The following SCN7A variants were observed in gnomAD, a reference collection of about 807,000 sequenced individuals.
SCN7A encodes the protein sodium channel protein type 7 subunit alpha.
Under a neutral mutation model 155.2 loss-of-function variants are expected in SCN7A, and 138 were observed. The ratio of observed to expected loss-of-function variants is 0.89; its 90% CI spans 0.77 to 1.02. The LOEUF (loss-of-function observed/expected upper bound fraction) is 1.02, where lower values mean the gene tolerates loss of function less well. SCN7A is among the 50% of genes least tolerant of loss of function. SCN7A has a pLI of 0.00. For synonymous variants in SCN7A, 693 were observed against 649.0 expected (o/e 1.07, Z -1.03); for missense variants, 2,058 against 1,986.6 (o/e 1.04, Z -0.68).
intron 7 of SCN7A, among the ~76,000 whole-genome samples, chr2:166,468,853 C>A (rs1295564535): frequency 6.6e-6 from 1 of 151,764 alleles, no homozygotes; most frequent in Non-Finnish European, 1.5e-5. Flanking sequence ...ACTCCACTGT[C>A]TATTTAAGTT....
At position 166,457,043 on chromosome 2, in the gene SCN7A, A is replaced by G. The variant is rs758488497; in HGVS notation, c.1117T>C (p.Phe373Leu). The G allele has an allele frequency of 1.2e-6, 2 of 1,610,688 alleles. No homozygotes were observed. The highest frequency in any genetic ancestry group is 1.7e-6 in the Non-Finnish European group (2 of 1,178,830). Residue 373 changes from phenylalanine (F) to leucine (L), a missense_variant, in exon 11 of 26, where the codon TTT becomes CTT. Phe to Leu is a conservative substitution (Grantham distance 22). Transcript: ENST00000643258. ...LYASGKVYMI[F>L]FVVVSFLFSF... ...AACAAAAAACTTACCACCACAAAAA[A>G]TATCATGTAGACCTTCCCAGAAGCA...
chr2:166,419,426 C>T (rs371222823), intron 20 of SCN7A, among the ~76,000 whole-genome samples: 31 of 149,522 alleles, frequency 2.1e-4, no homozygotes, highest in East Asian at 1.2e-3. Context: ...GGAGCAATCT[C>T]GGCTCACTGC....
chr2:166,456,826 A>G (rs1702290307), intron 11 of SCN7A, 44 bp downstream of exon 11: 1 of 769,406 alleles, frequency 1.3e-6, no homozygotes, highest in Middle Eastern at 3.8e-4. Flanking sequence ...ATATATATAT[A>G]TATAGATAGA....
chr2:166,408,385 A>C (rs996914726), intron 25 of SCN7A, among the ~76,000 whole-genome samples: 1 of 152,080 alleles, frequency 6.6e-6, no homozygotes, highest in Non-Finnish European at 1.5e-5. Flanking sequence ...GGTCTTCTCA[A>C]GTTATTACAC....
At chr2:166,410,413 T>C (rs768435513) in intron 23 of SCN7A, 89 bp from the exon 24 acceptor site, 269 of 828,910 alleles carry the variant, frequency 3.2e-4, no homozygotes, top group Non-Finnish European at 4.7e-4. Flanking sequence ...TTGGCAATTA[T>C]TGATTTAATC....
intron 12 of SCN7A, among the ~76,000 whole-genome samples, chr2:166,446,133 C>A (rs1702057845): frequency 1.3e-5 from 2 of 152,004 alleles, no homozygotes; most frequent in Non-Finnish European, 2.9e-5. Flanking sequence ...ATCCATCTGG[C>A]AAAGGTCTAA....
At chr2:166,419,698 A>G (rs1701471976) in intron 20 of SCN7A, among the ~76,000 whole-genome samples, 1 of 151,888 alleles carries the variant, frequency 6.6e-6, no homozygotes, top group South Asian at 2.1e-4. Context: ...ATCTTATCAA[A>G]CCATTCAACC....
intron 25 of SCN7A, among the ~76,000 whole-genome samples, chr2:166,407,758 TA>T (rs563543777): frequency 8.6e-5 from 13 of 151,632 alleles, no homozygotes; most frequent in Non-Finnish European, 1.3e-4. Context: ...TTATTTCTTC[TA>T]AAAAAAACCC....
intron 18 of SCN7A, among the ~76,000 whole-genome samples, chr2:166,425,830 T>A (rs1701611122): frequency 6.6e-6 from 1 of 152,090 alleles, no homozygotes; most frequent in South Asian, 2.1e-4. Flanking sequence ...CTTTGCCATA[T>A]AAGTTAATAT....
chr2:166,475,096 A>ATATATACG (rs1702756226), intron 3 of SCN7A, among the ~76,000 whole-genome samples: 3 of 117,038 alleles, frequency 2.6e-5, no homozygotes, highest in Non-Finnish European at 5.1e-5. Flanking sequence ...ATATATACAC[A>ATATATACG]TATATATGTA....
intron 3 of SCN7A, among the ~76,000 whole-genome samples, chr2:166,474,916 AAGC>A (rs1440998017): frequency 1.3e-5 from 2 of 151,278 alleles, no homozygotes; most frequent in African/African-American, 4.8e-5. Context: ...TGAGATATTA[AAGC>A]ATTAAAATTC....
Position 166,423,438 on chromosome 2 carries a change from G to A in SCN7A, c.2854-6C>T. 6.6e-6 allele frequency: 10 copies of A among 1,516,322 alleles called. No individual in the cohort carries two copies. Among genetic ancestry groups the A allele is most frequent in the Admixed American group, 2.6e-5 (1 of 38,864 alleles). The allele number at this position is 1,516,322 out of a possible 1,614,324, so 93.9% of individuals were successfully genotyped here. A position where few individuals can be genotyped will look rare whatever the true frequency, so the allele number is the denominator to read the frequency against. ...ATATATATATCTTCAAAAGCCTGTGGGTAAAAATAAAAAAATAAGGATTAG... is the reference window on the plus strand; with the variant it reads ...ATATATATATCTTCAAAAGCCTGTGAGTAAAAATAAAAAAATAAGGATTAG... On this transcript the variant is annotated splice_region_variant and splice_polypyrimidine_tract_variant and intron_variant, in intron 18 of 25. Transcript: ENST00000643258.
At position 166,432,636 on chromosome 2, in the gene SCN7A, TC is replaced by T; in HGVS notation, c.2273del (p.Gly758GlufsTer2). 6.2e-7 allele frequency: 1 copy of T among 1,611,552 alleles called. No individual in the cohort carries two copies. The highest frequency in any genetic ancestry group is 1.3e-5 in the African/African-American group (1 of 74,848). ...LQLAVARIKK[G>X]INYVLLKILC... ...GTATTTTAAGAAGCACATAGTTTAT[TC>T]CTTTTTTAATTCTTGCCACTGCAAG... is the stretch of plus-strand genomic sequence containing the variant. On this transcript the variant is annotated frameshift_variant, in exon 16 of 26. Coordinates refer to ENST00000643258, the MANE Select transcript of SCN7A (RefSeq NM_002976.4). LOFTEE classifies it high-confidence loss of function.
In SCN7A at chr2:166,444,971, A is replaced by G. The variant is rs1424113208; in HGVS notation, c.1417T>C (p.Leu473=). Residue 473 remains leucine (L), a synonymous_variant, in exon 13 of 26, where the codon TTA becomes CTA. Transcript: ENST00000643258. The part of the protein sequence containing the change: ...ELEKSKKICP[L]YWYKFAKTFL... Reference sequence around the variant, plus strand: ...GTTTTAGCAAACTTATACCAGTATAATGGGCATATCTTCTTGGATTTTTCA... The same window carrying G: ...GTTTTAGCAAACTTATACCAGTATAGTGGGCATATCTTCTTGGATTTTTCA... 2.5e-6 allele frequency: 4 copies of G among 1,611,334 alleles called. No individual in the cohort carries two copies. The highest frequency in any genetic ancestry group is 2.2e-5 in the East Asian group (1 of 44,808).
At chr2:166,430,514 G>C (rs577990916) in intron 16 of SCN7A, among the ~76,000 whole-genome samples, 9 of 151,794 alleles carry the variant, frequency 5.9e-5, no homozygotes, top group African/African-American at 1.7e-4. Context: ...TTTTTAAAGA[G>C]TTGTAAAAAG....
At chr2:166,429,307 A>G (rs374628684) in intron 16 of SCN7A, 33 bp from the exon 17 acceptor site, 22 of 1,368,846 alleles carry the variant, frequency 1.6e-5, no homozygotes, top group Admixed American at 2.5e-5. Context: ...AAAAGTTGTG[A>G]TTAAAGTTTC....
In SCN7A at chr2:166,405,347, T is replaced by A; in HGVS notation, c.*233A>T. On this transcript the variant is annotated 3_prime_UTR_variant, in exon 26 of 26. Coordinates refer to ENST00000643258, the MANE Select transcript of SCN7A (RefSeq NM_002976.4). ...TGTAGAGAAAACAAATATGAGATTG[T>A]CAAATGGCCACTTTAACCCACTTTA... 1 of 448,116 alleles carries A rather than the reference T, an allele frequency of 2.2e-6. No homozygotes were observed. The highest frequency in any genetic ancestry group is 3.9e-6 in the Non-Finnish European group (1 of 256,530). The allele number at this position is 448,116 out of a possible 1,614,324, so 27.8% of individuals were successfully genotyped here. A position where few individuals can be genotyped will look rare whatever the true frequency, so the allele number is the denominator to read the frequency against.
intron 20 of SCN7A, among the ~76,000 whole-genome samples, chr2:166,419,331 A>G (rs1701460604): frequency 6.6e-6 from 1 of 150,944 alleles, no homozygotes; most frequent in Admixed American, 6.6e-5. Flanking sequence ...TCCTATCACT[A>G]AACTGTATTT....
At chr2:166,481,869 A>G (rs900261562) in intron 2 of SCN7A, among the ~76,000 whole-genome samples, 1 of 152,186 alleles carries the variant, frequency 6.6e-6, no homozygotes, top group Non-Finnish European at 1.5e-5. Context: ...ATGTTGTTCA[A>G]AAAGGATGAA....
Sources: allele counts gnomAD v4.1 joint callset (sites outside exome capture counted in the v4.1 genomes callset), GRCh38; gene constraint gnomAD v4.1.1; transcripts MANE v1.5; gene names NCBI Gene and HGNC (gene_info 2026-07-23, HGNC 2026-07-21).